Variants in AMY2B observed in about 807,000 individuals in gnomAD.
AMY2B encodes alpha-amylase 2B.
Under a neutral mutation model 59.3 loss-of-function variants are expected in AMY2B, and 63 were observed. The ratio of observed to expected loss-of-function variants is 1.06; its 90% CI spans 0.87 to 1.31. The LOEUF (loss-of-function observed/expected upper bound fraction) is 1.31, where lower values mean the gene tolerates loss of function less well. AMY2B is among the 50% of genes most tolerant of loss of function. The pLI is 0.00. For missense variants in AMY2B, 635 were observed against 626.7 expected (o/e 1.01, Z -0.14); for synonymous variants, 180 against 198.1 (o/e 0.91, Z 0.77).
Position 103,571,607 on chromosome 1 carries a change from A to C in AMY2B, c.5A>C (p.Lys2Thr). The part of the protein sequence containing the change: M[K>T]FFLLLFTIGF... ...CACTGACAACTTCAAAGCAAAATGA[A>C]GTTCTTTCTGTTGCTTTTCACCATT... Residue 2 changes from lysine to threonine, a missense_variant, in exon 1 of 10, where the codon AAG becomes ACG. Coordinates refer to ENST00000684275, the MANE Select transcript of AMY2B (RefSeq NM_001387437.1). The C allele has an allele frequency of 6.2e-7, 1 of 1,611,070 alleles. No individual in the cohort carries two copies. The highest frequency in any genetic ancestry group is 1.1e-5 in the South Asian group (1 of 90,974).
chr1:103,579,311 G>A lies in AMY2B; in HGVS notation c.1347G>A (p.Trp449Ter). 6.2e-7 allele frequency: 1 copy of A among 1,611,604 alleles called. No homozygotes were observed. The highest frequency in any genetic ancestry group is 8.5e-7 in the Non-Finnish European group (1 of 1,179,652). Residue 449 changes from tryptophan (W) to a stop codon, truncating the protein, a stop_gained and splice_region_variant, in exon 10 of 10, where the codon TGG becomes TGA. Transcript: ENST00000684275. LOFTEE classifies it high-confidence loss of function. Reference sequence around the variant, plus strand: ...TTAAATCTGAAATTTTATTTTACAGGACATTTTCTTTAACTTTGCAAACTG... The same window carrying A: ...TTAAATCTGAAATTTTATTTTACAGAACATTTTCTTTAACTTTGCAAACTG... ...RGFIVFNNDD[W>*]TFSLTLQTGL...
At chr1:103,567,579 C>G (rs1317723142), upstream of AMY2B, among the ~76,000 whole-genome samples, 1 of 152,218 alleles carries the variant, frequency 6.6e-6, no homozygotes, top group Non-Finnish European at 1.5e-5. Flanking sequence ...CCACTCACCT[C>G]TTTCCTGGAC....
At chr1:103,556,632 T>G (rs953139638) in intron 1 of AMY2B, among the ~76,000 whole-genome samples, 10 of 151,964 alleles carry the variant, frequency 6.6e-5, no homozygotes, top group Non-Finnish European at 1.3e-4. Context: ...AAGTATAGTA[T>G]AATAGTACTA....
chr1:103,571,427 TGA>T, upstream of AMY2B: 1 of 1,373,940 alleles, frequency 7.3e-7, no homozygotes, highest in Admixed American at 2.5e-5. Context: ...ATGATTTCCA[TGA>T]GAGACTTTTT....
chr1:103,576,594 A>AT (rs1053280129), intron 7 of AMY2B, among the ~76,000 whole-genome samples: 10 of 152,046 alleles, frequency 6.6e-5, no homozygotes, highest in Non-Finnish European at 1.5e-4. Flanking sequence ...TTTAATTAAG[A>AT]TTTTTTAAAG....
In AMY2B at chr1:103,573,782, A is replaced by T. The variant is rs1222680096; in HGVS notation, c.588A>T (p.Glu196Asp). ...ATTATGTGCGTTCCAAGATTGCCGAATATATGAATCATCTCATTGACATTG... is the reference window on the plus strand; with the variant it reads ...ATTATGTGCGTTCCAAGATTGCCGATTATATGAATCATCTCATTGACATTG... ...EKDYVRSKIA[E>D]YMNHLIDIGV... The change falls in exon 4 of 10, where the codon GAA becomes GAT. Residue 196 changes from glutamate (E) to aspartate (D), a missense_variant. By Grantham distance (45) the Glu-to-Asp change is conservative. Transcript: ENST00000684275. 2.5e-6 allele frequency: 4 copies of T among 1,613,858 alleles called. No homozygotes were observed. In the South Asian group the frequency reaches 4.4e-5, roughly 18 times the overall value.
At chr1:103,578,782 T>C (rs1040517726) in intron 9 of AMY2B, among the ~76,000 whole-genome samples, 1 of 149,302 alleles carries the variant, frequency 6.7e-6, no homozygotes, top group African/African-American at 2.5e-5. Flanking sequence ...TTTTTTACCT[T>C]ATGGGGAAAA....
intron 1 of AMY2B, among the ~76,000 whole-genome samples, chr1:103,557,950 G>T (rs1367387422): frequency 6.6e-6 from 1 of 152,032 alleles, no homozygotes; most frequent in East Asian, 1.9e-4. Context: ...TCTATATATT[G>T]TATTTTTCTT....
chr1:103,559,419 C>G (rs1158869651), intron 1 of AMY2B, among the ~76,000 whole-genome samples: 3 of 152,102 alleles, frequency 2.0e-5, no homozygotes, highest in African/African-American at 4.8e-5. Context: ...TAAGGGCTTT[C>G]TCTTCAGAAC....
Position 103,577,712 on chromosome 1 carries a change from G to A in AMY2B, c.1221-8G>A, listed in dbSNP as rs1221076735. On this transcript the variant is annotated splice_polypyrimidine_tract_variant and splice_region_variant and intron_variant, in intron 8 of 9. Coordinates refer to ENST00000684275, the MANE Select transcript of AMY2B (RefSeq NM_001387437.1). ...ATATCAACGTTTTATATGGTATTGTGTTTTTAGGAACATGGTTAATTTCCG... is the reference window on the plus strand; with the variant it reads ...ATATCAACGTTTTATATGGTATTGTATTTTTAGGAACATGGTTAATTTCCG... 1 of 1,611,674 alleles carries A rather than the reference G, an allele frequency of 6.2e-7. No individual in the cohort carries two copies. The highest frequency in any genetic ancestry group is 1.7e-5 in the Admixed American group (1 of 60,006).
At chr1:103,578,305 C>A (rs1652443441) in intron 9 of AMY2B, among the ~76,000 whole-genome samples, 1 of 152,166 alleles carries the variant, frequency 6.6e-6, no homozygotes, top group African/African-American at 2.4e-5. Flanking sequence ...TTCTTCACTT[C>A]TCTGTCTCCT....
At chr1:103,573,302 A>G (rs1358991614) in intron 3 of AMY2B, 42 bp downstream of exon 3, 2 of 1,612,220 alleles carry the variant, frequency 1.2e-6, no homozygotes, top group African/African-American at 2.7e-5. Flanking sequence ...GGGGTGATAT[A>G]TGCCTTTTCT....
chr1:103,564,182 A>G (rs1346518967), intron 1 of AMY2B, among the ~76,000 whole-genome samples: 1 of 152,174 alleles, frequency 6.6e-6, no homozygotes, highest in African/African-American at 2.4e-5. Context: ...GGTAAACATT[A>G]CTTTTTCTAG....
At position 103,574,527 on chromosome 1, in the gene AMY2B, G is replaced by A. The variant is rs1020209435; in HGVS notation, c.878+134G>A. 1.8e-5 allele frequency: 28 copies of A among 1,536,886 alleles called. 1 individual carries two copies. The Middle Eastern group carries it at 9.4e-4, about 52-fold the overall frequency. On this transcript the variant is annotated intron_variant, in intron 5 of 9. Coordinates refer to ENST00000684275, the MANE Select transcript of AMY2B (RefSeq NM_001387437.1). ...TCAATTGTTAATGATAAGTATTCTA[G>A]TGCCCTAAACTCTAATCAATCATCT...
chr1:103,570,579 A>C (rs1224118795), upstream of AMY2B: 1 of 598,268 alleles, frequency 1.7e-6, no homozygotes, highest in Non-Finnish European at 3.3e-6. Flanking sequence ...CAGCGGCTCC[A>C]TCCTGGCCTC....
chr1:103,575,974 A>T (rs1291326095), intron 7 of AMY2B, among the ~76,000 whole-genome samples: 1 of 152,198 alleles, frequency 6.6e-6, no homozygotes, highest in Non-Finnish European at 1.5e-5. Flanking sequence ...GAATACAAAA[A>T]AATGATTCAG....
chr1:103,557,820 A>G (rs1290101593), intron 1 of AMY2B, among the ~76,000 whole-genome samples: 2 of 152,184 alleles, frequency 1.3e-5, no homozygotes, highest in Non-Finnish European at 2.9e-5. Context: ...AAATTCCATT[A>G]TATGTTATTT....
At chr1:103,561,230 A>G (rs191253942) in intron 1 of AMY2B, among the ~76,000 whole-genome samples, 42 of 152,296 alleles carry the variant, frequency 2.8e-4, no homozygotes, top group Admixed American at 2.5e-3. Flanking sequence ...ATGGTGAAGC[A>G]TCTAGTAGAT....
At chr1:103,560,812 T>C (rs1369878122) in intron 1 of AMY2B, among the ~76,000 whole-genome samples, 1 of 152,174 alleles carries the variant, frequency 6.6e-6, no homozygotes, top group South Asian at 2.1e-4. Context: ...GAACTCAGGT[T>C]TTAAAATATT....
Sources: gnomAD v4.1 joint callset for allele counts (sites outside exome capture counted in the v4.1 genomes callset) on GRCh38, gnomAD v4.1.1 for gene constraint, MANE v1.5 for transcripts, NCBI Gene and HGNC (gene_info 2026-07-23, HGNC 2026-07-21) for gene names.